The following APBB2 variants were observed in gnomAD, a reference collection of about 807,000 sequenced individuals.
The protein encoded by APBB2 is Fe65-like 1.
APBB2 carries 38 observed loss-of-function variants against 82.5 expected under a neutral mutation model. That is an observed-to-expected ratio of 0.46 (90% CI 0.36 to 0.60). APBB2 has a LOEUF of 0.60. Among genes scored for constraint, APBB2 ranks in the 20% least tolerant of loss-of-function variants. The pLI is 0.00. For synonymous variants in APBB2, 341 were observed against 368.2 expected (o/e 0.93, Z 0.85); for missense variants, 772 against 972.3 (o/e 0.79, Z 2.74).
chr4:40,910,290 T>A (rs1261143914), intron 10 of APBB2, among the ~76,000 whole-genome samples: 1 of 152,000 alleles, frequency 6.6e-6, no homozygotes, highest in East Asian at 1.9e-4. Context: ...CAGGTTGGAG[T>A]GCAGTGGTAA....
intron 7 of APBB2, among the ~76,000 whole-genome samples, chr4:40,944,209 G>T (rs1787762546): frequency 6.6e-6 from 1 of 152,170 alleles, no homozygotes; most frequent in African/African-American, 2.4e-5. Flanking sequence ...TTGCTTTCGG[G>T]ATTCACAAAA....
At chr4:41,200,619 T>C (rs1580793174) in intron 1 of APBB2, among the ~76,000 whole-genome samples, 1 of 152,374 alleles carries the variant, frequency 6.6e-6, no homozygotes, top group South Asian at 2.1e-4. Context: ...GAGAAATAAC[T>C]GATTTTTTTT....
chr4:40,825,745 C>T (rs531019830), intron 15 of APBB2, 142 bp downstream of exon 15: 6 of 674,902 alleles, frequency 8.9e-6, no homozygotes, highest in South Asian at 8.5e-5. Context: ...CGTTTATGTT[C>T]TCTGGCAGGT....
intron 6 of APBB2, among the ~76,000 whole-genome samples, chr4:40,973,002 T>C (rs1263394315): frequency 6.6e-6 from 1 of 152,254 alleles, no homozygotes; most frequent in Non-Finnish European, 1.5e-5. Context: ...ACCAGTGGTA[T>C]GTACAATAAA....
At chr4:41,173,251 C>T (rs1460599043) in intron 1 of APBB2, among the ~76,000 whole-genome samples, 3 of 152,166 alleles carry the variant, frequency 2.0e-5, no homozygotes, top group African/African-American at 4.8e-5. Context: ...GAAGGATTAC[C>T]ATTTAAAATC....
chr4:40,989,851 C>T (rs1374619686), intron 6 of APBB2, among the ~76,000 whole-genome samples: 1 of 152,118 alleles, frequency 6.6e-6, no homozygotes. Context: ...CCAATGGCAG[C>T]AAGATAACAA....
chr4:40,862,430 T>C (rs1056620806), intron 12 of APBB2, among the ~76,000 whole-genome samples: 4 of 152,244 alleles, frequency 2.6e-5, no homozygotes, highest in Admixed American at 6.5e-5. Context: ...AGGGAATCCC[T>C]GAAGGATTCC....
intron 1 of APBB2, among the ~76,000 whole-genome samples, chr4:41,147,084 T>C (rs1038576825): frequency 4.6e-5 from 7 of 152,194 alleles, no homozygotes; most frequent in Admixed American, 2.0e-4. Context: ...GATGCCTCAG[T>C]TCTAACAGTA....
At chr4:41,047,178 A>C (rs184069985) in intron 4 of APBB2, among the ~76,000 whole-genome samples, 1 of 152,362 alleles carries the variant, frequency 6.6e-6, no homozygotes, top group East Asian at 1.9e-4. Flanking sequence ...TGAACTCAGT[A>C]GAAGATGAAA....
At chr4:41,023,206 T>G (rs916331664) in intron 5 of APBB2, among the ~76,000 whole-genome samples, 2 of 152,168 alleles carry the variant, frequency 1.3e-5, no homozygotes, top group Non-Finnish European at 2.9e-5. Context: ...CAAAGCTCAT[T>G]TCTTGATCTG....
At chr4:41,140,825 A>C (rs752744418) in intron 2 of APBB2, among the ~76,000 whole-genome samples, 8 of 152,190 alleles carry the variant, frequency 5.3e-5, no homozygotes, top group South Asian at 2.1e-4. Context: ...TCCTATGAGA[A>C]TGTAATGCCT....
rs944425271 is a variant in APBB2, at chr4:40,847,750, A to T, written c.1530-17173T>A. ...CCAGTTCAAAGGAGTACTAGGGTAG[A>T]TAACATGGAAAGCCAATACATATGG... On this transcript the variant is annotated intron_variant, in intron 12 of 17. Transcript: ENST00000508593. Among the ~76,000 whole-genome samples, 8 of 151,928 alleles carry T rather than the reference A, an allele frequency of 5.3e-5. No homozygotes were observed. The East Asian group carries it at 1.5e-3, about 29-fold the overall frequency.
chr4:40,970,469 C>CT (rs935117793), intron 6 of APBB2, among the ~76,000 whole-genome samples: 20 of 151,072 alleles, frequency 1.3e-4, no homozygotes, highest in African/African-American at 2.2e-4. Flanking sequence ...CCCACTCCTC[C>CT]TTTTTTTTTG....
intron 17 of APBB2, among the ~76,000 whole-genome samples, chr4:40,818,874 C>T (rs1746763105): frequency 6.6e-6 from 1 of 152,198 alleles, no homozygotes; most frequent in Admixed American, 6.5e-5. Flanking sequence ...TGCTCTCCCA[C>T]CTCATCCTTT....
At position 41,169,099 on chromosome 4, in the gene APBB2, C is replaced by T. The variant is rs144030839; in HGVS notation, c.-416-25957G>A. On this transcript the variant is annotated intron_variant, in intron 1 of 17. Coordinates refer to ENST00000508593, the MANE Select transcript of APBB2 (RefSeq NM_004307.2). ...ACTCAGGAGGCTGAGGCAGGAGAAT[C>T]GTTTGAACCCTGGAGGCAGAGGTTG... Among the ~76,000 whole-genome samples, 865 of 146,478 alleles carry T rather than the reference C, an allele frequency of 5.9e-3. 13 individuals carry two copies. The highest frequency in any genetic ancestry group is 0.021 in the African/African-American group (822 of 39,398).
chr4:41,006,955 A>T (rs2154425182), intron 6 of APBB2, among the ~76,000 whole-genome samples: 1 of 152,300 alleles, frequency 6.6e-6, no homozygotes, highest in African/African-American at 2.4e-5. Flanking sequence ...GTGTTGACAT[A>T]ATTAGGTTTG....
intron 4 of APBB2, among the ~76,000 whole-genome samples, chr4:41,057,398 C>A (rs894917391): frequency 6.6e-6 from 1 of 152,188 alleles, no homozygotes; most frequent in Admixed American, 6.5e-5. Context: ...TTACAGTGAG[C>A]CGAGATAGCG....
intron 3 of APBB2, among the ~76,000 whole-genome samples, chr4:41,092,965 T>C (rs1742291670): frequency 1.3e-5 from 2 of 152,136 alleles, no homozygotes; most frequent in African/African-American, 4.8e-5. Flanking sequence ...GTGTTCTATT[T>C]CCAGAACACC....
chr4:41,132,220 G>A (rs1232414194), intron 2 of APBB2, among the ~76,000 whole-genome samples: 1 of 152,040 alleles, frequency 6.6e-6, no homozygotes, highest in African/African-American at 2.4e-5. Context: ...CTAAGCCAAA[G>A]GAGGTAAATC....
Sources: allele counts gnomAD v4.1 joint callset (sites outside exome capture counted in the v4.1 genomes callset), GRCh38; gene constraint gnomAD v4.1.1; transcripts MANE v1.5; gene names NCBI Gene and HGNC (gene_info 2026-07-23, HGNC 2026-07-21).